SPMAP2L: variants seen among roughly 807,000 people sequenced by gnomAD.
The protein encoded by SPMAP2L is sperm microtubule associated protein 2 like.
chr4:56,594,832 C>T, the SPMAP2L span: 4 of 1,590,644 alleles, frequency 2.5e-6, no homozygotes, highest in Non-Finnish European at 2.6e-6. Flanking sequence ...GATAGGTCTA[C>T]CTAGACGGGG....
the SPMAP2L span, among the ~76,000 whole-genome samples, chr4:56,548,516 T>A: frequency 6.6e-6 from 1 of 152,160 alleles, no homozygotes; most frequent in African/African-American, 2.4e-5. Context: ...CTATTTATAT[T>A]GTCCTTTATA....
At chr4:56,584,221 C>T in the SPMAP2L span, among the ~76,000 whole-genome samples, 1 of 152,132 alleles carries the variant, frequency 6.6e-6, no homozygotes, top group African/African-American at 2.4e-5. Context: ...CCCACCTCCA[C>T]CTTTCAAGGC....
the SPMAP2L span, among the ~76,000 whole-genome samples, chr4:56,553,410 C>T: frequency 6.6e-6 from 1 of 151,216 alleles, no homozygotes; most frequent in East Asian, 1.9e-4. Context: ...CCAGGCTGGC[C>T]TCAAACTCCT....
the SPMAP2L span, among the ~76,000 whole-genome samples, chr4:56,602,332 G>A: frequency 1.3e-5 from 2 of 152,132 alleles, no homozygotes; most frequent in African/African-American, 4.8e-5. Flanking sequence ...TTAAAATGCT[G>A]TAATGTGTTT....
chr4:56,589,690 TTGTTGTTTTGGGTTTTTGTTGTTG>T, the SPMAP2L span, among the ~76,000 whole-genome samples: 1 of 151,710 alleles, frequency 6.6e-6, no homozygotes, highest in Non-Finnish European at 1.5e-5. Flanking sequence ...TTTGTTGTTG[TTGTTGTTTTGGGTTTTTGTTGTTG>T]TTGTTGTTGT....
the SPMAP2L span, among the ~76,000 whole-genome samples, chr4:56,539,911 G>A: frequency 6.6e-6 from 1 of 152,126 alleles, no homozygotes; most frequent in Non-Finnish European, 1.5e-5. Flanking sequence ...CTTGCTTGTT[G>A]TCTGTCTTTC....
chr4:56,558,568 A>G, the SPMAP2L span, among the ~76,000 whole-genome samples: 2 of 152,112 alleles, frequency 1.3e-5, no homozygotes, highest in African/African-American at 4.8e-5. Context: ...ACTTGATTTC[A>G]TGGTTGTGTC....
chr4:56,559,522 T>G, the SPMAP2L span: 1 of 1,500,566 alleles, frequency 6.7e-7, no homozygotes, highest in Non-Finnish European at 8.8e-7. Context: ...ACCTAACAGG[T>G]TAGTGTCTGT....
At chr4:56,619,870 A>AAAAAAC in the SPMAP2L span, among the ~76,000 whole-genome samples, 7,952 of 152,106 alleles carry the variant, frequency 0.052, 455 homozygotes, top group East Asian at 0.32. Flanking sequence ...CTCAATACTA[A>AAAAAAC]AAAAACAAAA....
chr4:56,600,097 C>CTTTTTTTTTTTTTTTTTTTTTT, the SPMAP2L span, among the ~76,000 whole-genome samples: 14 of 87,804 alleles, frequency 1.6e-4, 2 homozygotes, highest in African/African-American at 6.6e-4. Context: ...TCTTTGCTTT[C>CTTTTTTTTTTTTTTTTTTTTTT]TTTTTTTTTT....
At chr4:56,568,027 G>A in the SPMAP2L span, among the ~76,000 whole-genome samples, 1 of 152,020 alleles carries the variant, frequency 6.6e-6, no homozygotes, top group Non-Finnish European at 1.5e-5. Context: ...TCACCTCTGT[G>A]TTTTATTTCT....
At chr4:56,536,028 G>A in the SPMAP2L span, among the ~76,000 whole-genome samples, 1 of 152,240 alleles carries the variant, frequency 6.6e-6, no homozygotes, top group East Asian at 1.9e-4. Context: ...GATAGGGTTT[G>A]TTTCTGTGAG....
chr4:56,556,687 C>T, the SPMAP2L span, among the ~76,000 whole-genome samples: 7 of 152,138 alleles, frequency 4.6e-5, no homozygotes, highest in Non-Finnish European at 1.0e-4. Context: ...GCCTGGCCAA[C>T]ATGGCGAAAC....
the SPMAP2L span, chr4:56,603,134 GTGGATGC>G: frequency 2.0e-6 from 2 of 1,020,126 alleles, no homozygotes; most frequent in Non-Finnish European, 2.8e-6. Context: ...ATAACATACA[GTGGATGC>G]TTGAGAAACA....
At chr4:56,623,631 G>C in the SPMAP2L span, among the ~76,000 whole-genome samples, 1 of 152,126 alleles carries the variant, frequency 6.6e-6, no homozygotes, top group South Asian at 2.1e-4. Flanking sequence ...AATCATGGGG[G>C]CTGGTCTTTC....
chr4:56,532,988 C>T, the SPMAP2L span, among the ~76,000 whole-genome samples: 2 of 152,196 alleles, frequency 1.3e-5, no homozygotes, highest in Non-Finnish European at 2.9e-5. Flanking sequence ...GCTTAAGGGA[C>T]TTCAAATCCA....
At chr4:56,624,903 T>C in the SPMAP2L span, among the ~76,000 whole-genome samples, 1 of 152,110 alleles carries the variant, frequency 6.6e-6, no homozygotes. Context: ...CACTGCCTAG[T>C]GGAGCTGAGA....
the SPMAP2L span, among the ~76,000 whole-genome samples, chr4:56,579,733 C>T: frequency 6.8e-3 from 1,037 of 152,216 alleles, 12 homozygotes; most frequent in African/African-American, 0.024. Flanking sequence ...TATGTCACTG[C>T]ATTCCAGTCA....
the SPMAP2L span, among the ~76,000 whole-genome samples, chr4:56,571,983 T>A: frequency 1.3e-5 from 2 of 152,200 alleles, no homozygotes; most frequent in African/African-American, 4.8e-5. Context: ...TCTCCTATGA[T>A]AAAAGGCCTT....
Sources: allele counts gnomAD v4.1 joint callset (sites outside exome capture counted in the v4.1 genomes callset), GRCh38; gene constraint gnomAD v4.1.1; transcripts MANE v1.5; gene names NCBI Gene and HGNC (gene_info 2026-07-23, HGNC 2026-07-21).